HR: variants seen among roughly 807,000 people sequenced by gnomAD.
The protein encoded by HR is lysine-specific demethylase hairless.
HR carries 83 observed loss-of-function variants against 128.6 expected under a neutral mutation model. The ratio of observed to expected loss-of-function variants is 0.65; its 90% CI spans 0.54 to 0.77. HR has a LOEUF of 0.77. HR is among the 30% of genes least tolerant of loss of function. The probability of loss-of-function intolerance (pLI) is 0.00; values close to 1 mark genes in which losing one functional copy is unlikely to be tolerated. For missense variants in HR, 1,490 were observed against 1,574.6 expected (o/e 0.95, Z 0.91); for synonymous variants, 681 against 658.2 (o/e 1.03, Z -0.53).
At chr8:22,123,617 T>TGGGGGCGG in intron 6 of HR, 32 bp downstream of exon 6, 1 of 292,092 alleles carries the variant, frequency 3.4e-6, no homozygotes, top group Non-Finnish European at 6.2e-6. Context: ...GAGGGCTCCA[T>TGGGGGCGG]CCCGCCCTCC....
chr8:22,126,697 TGAG>T (rs1826898447), intron 3 of HR, among the ~76,000 whole-genome samples: 1 of 152,196 alleles, frequency 6.6e-6, no homozygotes, highest in Non-Finnish European at 1.5e-5. Flanking sequence ...ATGAAGTAAC[TGAG>T]GCCCAGAGAG....
At chr8:22,129,235 A>G (rs2131770092) in intron 1 of HR, 25 bp from the exon 2 acceptor site, 3 of 1,502,722 alleles carry the variant, frequency 2.0e-6, no homozygotes, top group Non-Finnish European at 2.7e-6. Context: ...TCAAAGCATG[A>G]GCTTCTGGGG....
chr8:22,129,118 G>C lies in HR; in HGVS notation c.53C>G (p.Ala18Gly), dbSNP rs1406452756. 1 of 1,565,242 alleles carries C rather than the reference G, an allele frequency of 6.4e-7. No individual in the cohort carries two copies. The highest frequency in any genetic ancestry group is 1.4e-5 in the African/African-American group (1 of 73,224). Residue 18 changes from alanine to glycine, a missense_variant, in exon 2 of 19, where the codon GCC becomes GGC. By Grantham distance (60) the Ala-to-Gly change is moderately conservative (BLOSUM62 0). Coordinates refer to ENST00000381418, the MANE Select transcript of HR (RefSeq NM_005144.5). ...LKGTPTWEKTAPENGIVRQEP... is the reference protein window; with the variant it reads ...LKGTPTWEKTGPENGIVRQEP... ...CTGTCTCACGATGCCGTTCTCTGGGGCCGTCTTCTCCCAGGTTGGGGTGCC... is the reference window on the plus strand; with the variant it reads ...CTGTCTCACGATGCCGTTCTCTGGGCCCGTCTTCTCCCAGGTTGGGGTGCC...
At chr8:22,122,409 C>T (rs1412805184) in intron 8 of HR, 84 bp downstream of exon 8, 12 of 956,048 alleles carry the variant, frequency 1.3e-5, no homozygotes, top group Non-Finnish European at 1.8e-5. Context: ...TTCATCCCCA[C>T]CAAGAAAAGG....
At position 22,127,308 on chromosome 8, in the gene HR, C is replaced by T. The variant is rs1448337392; in HGVS notation, c.1134G>A (p.Lys378=). The change falls in exon 3 of 19, where the codon AAG becomes AAA. Residue 378 remains lysine, a synonymous_variant. Transcript: ENST00000381418. ...PRACPPSHHT[K]LKKTWLTRHS... is the part of the protein sequence containing the mutation. The stretch of plus-strand genomic sequence containing the variant: ...GCCGTGTGAGCCATGTCTTCTTCAG[C>T]TTGGTGTGGTGGCTGGGGGGACAGG... 1.2e-6 allele frequency: 2 copies of T among 1,613,276 alleles called. No homozygotes were observed. Among genetic ancestry groups the T allele is most frequent in the African/African-American group, 1.3e-5 (1 of 74,932 alleles).
At chr8:22,120,650 G>A (rs1826720643) in intron 11 of HR, 66 bp downstream of exon 11, 1 of 1,545,896 alleles carries the variant, frequency 6.5e-7, no homozygotes, top group Non-Finnish European at 8.7e-7. Flanking sequence ...TCTGGGCCTA[G>A]GGACCAAGGC....
rs1023129376 is a variant in HR at position 22,116,720 on chromosome 8, C to T, written c.3378+155G>A. 2.0e-5 allele frequency among the ~76,000 whole-genome samples: 3 copies of T among 152,220 alleles called. No individual in the cohort carries two copies. The highest frequency in any genetic ancestry group is 4.4e-5 in the Non-Finnish European group (3 of 68,034). ...GTTGGGCTCAGTGACTTCAAGGCCT[C>T]TTGGCTCCCCCGTTATCTCTTCCCC... On this transcript the variant is annotated intron_variant, in intron 17 of 18. Coordinates refer to ENST00000381418, the MANE Select transcript of HR (RefSeq NM_005144.5). The surrounding 1 kb of genome is among the most constrained non-coding windows in gnomAD (Gnocchi z 4.2).
chr8:22,116,906 G>A lies in HR; in HGVS notation c.3347C>T (p.Ala1116Val). 2 of 1,563,764 alleles carry A rather than the reference G, an allele frequency of 1.3e-6. No homozygotes were observed. Among genetic ancestry groups the A allele is most frequent in the East Asian group, 2.3e-5 (1 of 43,024 alleles). The change falls in exon 17 of 19, where the codon GCC becomes GTC. Residue 1116 changes from alanine (A) to valine (V), a missense_variant. Coordinates refer to ENST00000381418, the MANE Select transcript of HR (RefSeq NM_005144.5). This position sits in a 1 kb window ranked among gnomAD's most constrained non-coding sequence, Gnocchi z 4.2. Reference sequence around the variant, plus strand: ...GGGAGCCCCTGCAGGCACCAGCACGGCCTCTCCGGGGGCCTGGAGCAGGGT... The same window carrying A: ...GGGAGCCCCTGCAGGCACCAGCACGACCTCTCCGGGGGCCTGGAGCAGGGT... Reference protein sequence around the residue: ...CWTLLQAPGEAVLVPAGAPHQ... With the variant: ...CWTLLQAPGEVVLVPAGAPHQ...
At position 22,128,795 on chromosome 8, in the gene HR, G is replaced by A; in HGVS notation, c.376C>T (p.His126Tyr). The change falls in exon 2 of 19, where the codon CAT becomes TAT. Residue 126 changes from histidine to tyrosine, a missense_variant. Physicochemically the swap from His to Tyr is moderately conservative, Grantham distance 83. Transcript: ENST00000381418. ...TCACTCTTGAGATGGCCACCACTAT[G>A]CTCAGGCATCAGGGGGCCACAGCGA... ...PPRCGPLMPE[H>Y]SGGHLKSDPV... The A allele has an allele frequency of 2.5e-6, 4 of 1,612,250 alleles. No individual in the cohort carries two copies. Among genetic ancestry groups the A allele is most frequent in the Non-Finnish European group, 3.4e-6 (4 of 1,179,578 alleles).
rs1201601278 is a variant in HR, at chr8:22,125,392, G to C, written c.1669C>G (p.His557Asp). The C allele has an allele frequency of 1.9e-6, 3 of 1,611,208 alleles. No homozygotes were observed. Among genetic ancestry groups the C allele is most frequent in the Non-Finnish European group, 1.7e-6 (2 of 1,179,278 alleles). Residue 557 changes from histidine (H) to aspartate (D), a missense_variant, in exon 5 of 19, where the codon CAC becomes GAC. Around this residue, in one of 3 missense-constraint regions of HR, gnomAD observed 1,060 missense variants for 1,060.9 expected, o/e 1.00. Transcript: ENST00000381418. Reference protein sequence around the residue: ...DSRLSTGLAKHLLSGLGDRLC... With the variant: ...DSRLSTGLAKDLLSGLGDRLC... The stretch of plus-strand genomic sequence containing the variant: ...CGGTCCCCCAAACCACTGAGCAGGT[G>C]CTTGGCGAGGCCTGTGCTGAGCCGG...
intron 12 of HR, 48 bp from the exon 13 acceptor site, chr8:22,120,221 C>G (rs1826702850): frequency 6.3e-7 from 1 of 1,596,454 alleles, no homozygotes; most frequent in Non-Finnish European, 8.5e-7. Context: ...CCCTGAAGCC[C>G]CTGCCCCGGC....
chr8:22,125,107 A>T (rs1317442980), intron 5 of HR, among the ~76,000 whole-genome samples: 2 of 152,210 alleles, frequency 1.3e-5, no homozygotes, highest in Admixed American at 1.3e-4. Context: ...CTTGGCACTC[A>T]TTCTTGTTTT....
At chr8:22,129,255 C>G in intron 1 of HR, 45 bp from the exon 2 acceptor site, 3 of 1,477,078 alleles carry the variant, frequency 2.0e-6, no homozygotes. Context: ...GCACATGTCC[C>G]AAGCACCTTA....
In HR at chr8:22,127,083, C is replaced by T. The variant is rs78489044; in HGVS notation, c.1359G>A (p.Ser453=). 17,617 of 1,611,904 alleles carry T rather than the reference C, an allele frequency of 0.011. 127 individuals carry two copies. Among genetic ancestry groups the T allele is most frequent in the Non-Finnish European group, 0.013 (14,785 of 1,179,446 alleles). The change falls in exon 3 of 19, where the codon TCG becomes TCA. Residue 453 remains serine (S), a synonymous_variant. Transcript: ENST00000381418. The part of the protein sequence containing the change: ...AGGWQEVRDT[S]IGNKDVDSGQ... ...CCGAGTCCACATCCTTGTTCCCTATCGATGTGTCCCGCACCTCCTGCCAAC... is the reference window on the plus strand; with the variant it reads ...CCGAGTCCACATCCTTGTTCCCTATTGATGTGTCCCGCACCTCCTGCCAAC...
intron 16 of HR, 54 bp downstream of exon 16, chr8:22,118,896 C>G: frequency 6.7e-7 from 1 of 1,496,064 alleles, no homozygotes. Flanking sequence ...TGGGACTGGA[C>G]GAGCTTCTAG....
At chr8:22,118,875 G>C (rs1267597064) in intron 16 of HR, 75 bp downstream of exon 16, 1 of 1,286,420 alleles carries the variant, frequency 7.8e-7, no homozygotes, top group Non-Finnish European at 1.1e-6. Context: ...ACATGGGACC[G>C]CACACTGGGG....
At chr8:22,125,799 T>G in intron 3 of HR, 67 bp from the exon 4 acceptor site, 1 of 1,554,260 alleles carries the variant, frequency 6.4e-7, no homozygotes, top group Non-Finnish European at 8.8e-7. Flanking sequence ...ATTCCTCACC[T>G]TAGCGCCCAC....
Position 22,122,550 on chromosome 8 carries a change from C to T in HR, c.2064G>A (p.Gly688=), listed in dbSNP as rs1826781189. 3.1e-6 allele frequency: 5 copies of T among 1,611,886 alleles called. No homozygotes were observed. The highest frequency in any genetic ancestry group is 4.2e-6 in the Non-Finnish European group (5 of 1,179,464). ...GGGCATCAGCTTGGCAGGGGCAGTG[C>T]CCCCGGATATCAAACTTGACCCAGA... The part of the protein sequence containing the change: ...HQVWVKFDIR[G]HCPCQADARV... Residue 688 remains glycine (G), a synonymous_variant, in exon 8 of 19, where the codon GGG becomes GGA. Coordinates refer to ENST00000381418, the MANE Select transcript of HR (RefSeq NM_005144.5).
At position 22,119,807 on chromosome 8, in the gene HR, G is replaced by A. The variant is rs564910030; in HGVS notation, c.2930C>T (p.Pro977Leu). 138 of 1,613,736 alleles carry A rather than the reference G, an allele frequency of 8.6e-5. 2 individuals carry two copies. In the South Asian group the frequency reaches 1.2e-3, roughly 14 times the overall value. The stretch of plus-strand genomic sequence containing the variant: ...CTCCAGTGGACGCAGGGCAAGGCCC[G>A]GTGGGAGGTAGGAAGCCAGGTTGAG... ...GKLNLASYLPPGLALRPLEPQ... is the reference protein window; with the variant it reads ...GKLNLASYLPLGLALRPLEPQ... Residue 977 changes from proline to leucine, a missense_variant, in exon 14 of 19, where the codon CCG (proline) becomes CTG (leucine). Around this residue, in one of 3 missense-constraint regions of HR, gnomAD observed 423 missense variants for 495.9 expected, o/e 0.85. Transcript: ENST00000381418.
Sources: allele counts gnomAD v4.1 joint callset (sites outside exome capture counted in the v4.1 genomes callset), GRCh38; gene constraint gnomAD v4.1.1; regional missense constraint gnomAD v4.1.1; non-coding constraint Gnocchi (gnomAD v3.1); transcripts MANE v1.5; gene names NCBI Gene and HGNC (gene_info 2026-07-23, HGNC 2026-07-21).